Variants in MYO5B observed in about 807,000 individuals in gnomAD.
The protein encoded by MYO5B is myosin VB, also known as unconventional myosin-Vb.
A neutral mutation model predicts 229.3 loss-of-function variants in MYO5B; 143 were observed. The ratio of observed to expected loss-of-function variants is 0.62; its 90% CI spans 0.54 to 0.72. The LOEUF (loss-of-function observed/expected upper bound fraction) is 0.72, where lower values mean the gene tolerates loss of function less well. Among genes scored for constraint, MYO5B ranks in the 30% least tolerant of loss-of-function variants. MYO5B has a pLI of 0.00. For synonymous variants in MYO5B, 918 were observed against 885.2 expected, an observed-to-expected ratio of 1.04 and a Z score of -0.66; for missense variants, 2,321 against 2,331.0, an observed-to-expected ratio of 1.00 and a Z score of 0.09.
chr18:50,165,597 G>A (rs1448622428), intron 1 of MYO5B, among the ~76,000 whole-genome samples: 1 of 152,182 alleles, frequency 6.6e-6, no homozygotes, highest in Non-Finnish European at 1.5e-5. Flanking sequence ...CCAATATGAT[G>A]AAACCCCATC....
At chr18:49,951,805 C>T (rs546616590) in intron 14 of MYO5B, among the ~76,000 whole-genome samples, 2 of 152,266 alleles carry the variant, frequency 1.3e-5, no homozygotes, top group East Asian at 1.9e-4. Flanking sequence ...AAGAGACCAT[C>T]GTGAGGAAGG....
In MYO5B at chr18:50,074,376, C is replaced by T. The variant is rs372843175; in HGVS notation, c.28-18998G>A. On this transcript the variant is annotated intron_variant, in intron 1 of 39. Transcript: ENST00000285039. ...AGCCAAACCTATCACCATGCATTTC[C>T]TAAACAGCAGTCAGAGCATCATTTT... 5.9e-5 allele frequency among the ~76,000 whole-genome samples: 9 copies of T among 152,278 alleles called. No homozygotes were observed. The East Asian group carries it at 1.7e-3, about 29-fold the overall frequency.
chr18:49,991,320 T>C (rs2025929976), intron 6 of MYO5B, among the ~76,000 whole-genome samples: 1 of 152,138 alleles, frequency 6.6e-6, no homozygotes, highest in Non-Finnish European at 1.5e-5. Context: ...GAGGCAATTC[T>C]GAGGTCTCCT....
chr18:49,848,006 C>G (rs1480845878), intron 32 of MYO5B, among the ~76,000 whole-genome samples: 1 of 152,242 alleles, frequency 6.6e-6, no homozygotes, highest in Non-Finnish European at 1.5e-5. Context: ...AACCCTCACT[C>G]AGGCCTCTCC....
At chr18:50,097,159 C>T in intron 1 of MYO5B, 4 of 444,754 alleles carry the variant, frequency 9.0e-6, no homozygotes, top group South Asian at 6.3e-5. Flanking sequence ...TCTTTCATTG[C>T]TGGTGTCTTC....
At chr18:50,105,715 A>G (rs2031746850) in intron 1 of MYO5B, among the ~76,000 whole-genome samples, 2 of 152,136 alleles carry the variant, frequency 1.3e-5, no homozygotes, top group African/African-American at 4.8e-5. Context: ...AAACTCCCCA[A>G]AAAGGTTAAG....
intron 17 of MYO5B, among the ~76,000 whole-genome samples, chr18:49,921,028 A>C (rs1269356897): frequency 6.6e-6 from 1 of 152,214 alleles, no homozygotes. Flanking sequence ...GGGATGTTTA[A>C]TAGCAAGGGA....
chr18:50,066,006 G>C (rs1339624832), intron 1 of MYO5B, among the ~76,000 whole-genome samples: 1 of 152,084 alleles, frequency 6.6e-6, no homozygotes, highest in East Asian at 1.9e-4. Flanking sequence ...AATGACACTG[G>C]CAAGAGATGC....
In MYO5B at chr18:50,061,239, A is replaced by G. The variant is rs1402078118; in HGVS notation, c.28-5861T>C. ...TTTATTAGCTTGTGTAAGTTGATGA[A>G]TGGGTCTGAGCCCCAGTTTCCTTAG... On this transcript the variant is annotated intron_variant, in intron 1 of 39. Coordinates refer to ENST00000285039, the MANE Select transcript of MYO5B (RefSeq NM_001080467.3). Among the ~76,000 whole-genome samples, 11 of 152,292 alleles carry G rather than the reference A, an allele frequency of 7.2e-5. No homozygotes were observed. The East Asian group carries it at 1.5e-3, about 21-fold the overall frequency.
intron 10 of MYO5B, among the ~76,000 whole-genome samples, chr18:49,969,185 G>A (rs1430713465): frequency 6.6e-6 from 1 of 152,156 alleles, no homozygotes; most frequent in Non-Finnish European, 1.5e-5. Flanking sequence ...CAGGCTGAAG[G>A]GTTAATGCAA....
chr18:50,053,813 T>C (rs2144414734), intron 2 of MYO5B, among the ~76,000 whole-genome samples: 1 of 152,258 alleles, frequency 6.6e-6, no homozygotes, highest in South Asian at 2.1e-4. Flanking sequence ...AGACCAAGAA[T>C]AGGCAGGAAA....
At chr18:50,041,801 AC>A (rs2030023773) in intron 2 of MYO5B, among the ~76,000 whole-genome samples, 2 of 152,174 alleles carry the variant, frequency 1.3e-5, no homozygotes, top group East Asian at 3.8e-4. Flanking sequence ...AAAACTTTAA[AC>A]CTATCATAAA....
At chr18:50,172,642 T>A (rs2032936164) in intron 1 of MYO5B, among the ~76,000 whole-genome samples, 2 of 152,228 alleles carry the variant, frequency 1.3e-5, no homozygotes, top group Non-Finnish European at 2.9e-5. Flanking sequence ...ATTTTAAATA[T>A]GTTTACCAAG....
rs754258886 is a variant in MYO5B at position 49,906,554 on chromosome 18, C to T, written c.2279G>A (p.Arg760Gln). ...GGTGGCTGTCCGGAACTTGTCAGCC[C>T]GCAGCTTCTCCAGGTAGGCCACCTG... is the stretch of plus-strand genomic sequence containing the variant. ...AGQVAYLEKL[R>Q]ADKFRTATIM... Residue 760 changes from arginine (R) to glutamine (Q), a missense_variant, in exon 19 of 40, where the codon CGG becomes CAG. Physicochemically the swap from Arg to Gln is conservative, Grantham distance 43 (BLOSUM62 1). This residue lies in a region of MYO5B where 2,113 missense variants were observed against 2,044.7 expected (regional missense o/e 1.03). Transcript: ENST00000285039. 3.3e-5 allele frequency: 54 copies of T among 1,614,024 alleles called. 1 individual carries two copies. Among genetic ancestry groups the T allele is most frequent in the Non-Finnish European group, 4.2e-5 (49 of 1,180,034 alleles).
intron 1 of MYO5B, among the ~76,000 whole-genome samples, chr18:50,119,855 C>T (rs1341550041): frequency 6.6e-6 from 1 of 152,152 alleles, no homozygotes; most frequent in Non-Finnish European, 1.5e-5. Context: ...AATTAGTTTG[C>T]TGTGATACCT....
intron 1 of MYO5B, among the ~76,000 whole-genome samples, chr18:50,140,821 T>A (rs1009281386): frequency 1.3e-5 from 2 of 152,188 alleles, no homozygotes; most frequent in Non-Finnish European, 2.9e-5. Context: ...GAAAGACTGA[T>A]TAAAAGCTGT....
intron 1 of MYO5B, among the ~76,000 whole-genome samples, chr18:50,061,960 C>T (rs147697318): frequency 1.2e-4 from 19 of 152,262 alleles, no homozygotes; most frequent in African/African-American, 4.3e-4. Flanking sequence ...CTCTTTTATA[C>T]AGGAGAAACC....
intron 18 of MYO5B, among the ~76,000 whole-genome samples, chr18:49,907,019 A>G (rs1037922842): frequency 1.3e-5 from 2 of 152,224 alleles, no homozygotes; most frequent in Non-Finnish European, 2.9e-5. Context: ...ACAGCTGAGC[A>G]AAGACCTAAA....
chr18:50,053,288 G>A lies in MYO5B; in HGVS notation c.138+1980C>T, dbSNP rs568864829. The stretch of plus-strand genomic sequence containing the variant: ...TTCCAATTACATGCTGCCTGGCCTT[G>A]TAGCAGGGGAAGGAGGAGATGGGGT... On this transcript the variant is annotated intron_variant, in intron 2 of 39. Transcript: ENST00000285039. 5.3e-5 allele frequency among the ~76,000 whole-genome samples: 8 copies of A among 152,288 alleles called. No individual in the cohort carries two copies. The South Asian group carries it at 1.7e-3, about 32-fold the overall frequency.
Sources: allele counts gnomAD v4.1 joint callset (sites outside exome capture counted in the v4.1 genomes callset), GRCh38; gene constraint gnomAD v4.1.1; regional missense constraint gnomAD v4.1.1; transcripts MANE v1.5; gene names NCBI Gene and HGNC (gene_info 2026-07-23, HGNC 2026-07-21).